The following SMG7 variants were observed in gnomAD, a reference collection of about 807,000 sequenced individuals.
The protein encoded by SMG7 is nonsense-mediated mRNA decay factor SMG7.
In SMG7, 34 loss-of-function variants were observed where a neutral mutation model predicts 148.2. That is an observed-to-expected ratio of 0.23 (90% CI 0.17 to 0.31). The LOEUF (loss-of-function observed/expected upper bound fraction) is 0.31. Among genes scored for constraint, SMG7 ranks in the 10% least tolerant of loss-of-function variants. SMG7 has a pLI of 1.00. For synonymous variants in SMG7, 492 were observed against 515.1 expected, an observed-to-expected ratio of 0.96 and a Z score of 0.61; for missense variants, 1,114 against 1,408.4, an observed-to-expected ratio of 0.79 and a Z score of 3.35.
Position 183,509,981 on chromosome 1 carries a change from C to A in SMG7, c.30-2856C>A, listed in dbSNP as rs184251628. On this transcript the variant is annotated intron_variant, in intron 1 of 22. Transcript: ENST00000688051. ...TTGTAAATTACATTACTATTATATACCCCATATAATCTTTGACTGGAAGTT... is the reference window on the plus strand; with the variant it reads ...TTGTAAATTACATTACTATTATATAACCCATATAATCTTTGACTGGAAGTT... Among the ~76,000 whole-genome samples, 161 of 152,216 alleles carry A rather than the reference C, an allele frequency of 1.1e-3. 5 individuals are homozygous for A. Among genetic ancestry groups the A allele is most frequent in the East Asian group, 1.9e-4 (1 of 5,182 alleles).
rs1250240742 is a variant in SMG7 at position 183,472,967 on chromosome 1, A to G, written c.29+318A>G. Reference sequence around the variant, plus strand: ...GAGGGGTGGAGAGAAACGTCCGGGGAGGCGGCGGCGACCCCGAGTGGAGGT... The same window carrying G: ...GAGGGGTGGAGAGAAACGTCCGGGGGGGCGGCGGCGACCCCGAGTGGAGGT... On this transcript the variant is annotated intron_variant, in intron 1 of 22. Coordinates refer to ENST00000688051, the MANE Select transcript of SMG7 (RefSeq NM_001375584.1). 1.5e-5 allele frequency: 5 copies of G among 336,466 alleles called. No homozygotes were observed. In the East Asian group the frequency reaches 2.2e-4, roughly 15 times the overall value. 20.8% of individuals were successfully genotyped at this position (336,466 alleles called of 1,614,324 possible).
Position 183,547,208 on chromosome 1 carries a change from G to T in SMG7, c.2848G>T (p.Ala950Ser), listed in dbSNP as rs765563940. The change falls in exon 18 of 23, where the codon GCT (alanine) becomes TCT (serine). Residue 950 changes from alanine to serine, a missense_variant. By Grantham distance (99) the Ala-to-Ser change is moderately conservative. Transcript: ENST00000688051. ...IFSNPPDLYP[A>S]LLGPLASLPG... ...TTCTAACCCTCCTGATCTTTACCCG[G>T]CTCTGCTGGGGCCTCTCGCCTCTCT... The T allele has an allele frequency of 1.4e-5, 21 of 1,550,290 alleles. No homozygotes were observed. The highest frequency in any genetic ancestry group is 1.7e-5 in the Non-Finnish European group (20 of 1,146,868).
At chr1:183,510,219 A>C (rs1382554780) in intron 1 of SMG7, among the ~76,000 whole-genome samples, 1 of 152,182 alleles carries the variant, frequency 6.6e-6, no homozygotes. Context: ...CATTCATTGA[A>C]TCTAGTAAAG....
Position 183,542,202 on chromosome 1 carries a change from G to T in SMG7, c.1542G>T (p.Ser514=). The part of the protein sequence containing the change: ...LILQETSVIE[S]LAADGSPGLK... ...TGCAAGAAACATCTGTGATAGAGTCGCTGGCTGCAGATGGGAGCCCAGGGC... is the reference window on the plus strand; with the variant it reads ...TGCAAGAAACATCTGTGATAGAGTCTCTGGCTGCAGATGGGAGCCCAGGGC... The change falls in exon 14 of 23, where the codon TCG becomes TCT. Residue 514 remains serine (S), a synonymous_variant. Coordinates refer to ENST00000688051, the MANE Select transcript of SMG7 (RefSeq NM_001375584.1). The T allele has an allele frequency of 6.2e-7, 1 of 1,614,112 alleles. No individual in the cohort carries two copies. Among genetic ancestry groups the T allele is most frequent in the Non-Finnish European group, 8.5e-7 (1 of 1,179,978 alleles).
chr1:183,531,679 G>A (rs1409609448), intron 8 of SMG7, among the ~76,000 whole-genome samples: 2 of 152,086 alleles, frequency 1.3e-5, no homozygotes, highest in East Asian at 1.9e-4. Context: ...CTGTGCATAC[G>A]CTAGAAAATT....
intron 15 of SMG7, 65 bp downstream of exon 15, chr1:183,544,562 G>A: frequency 2.4e-5 from 37 of 1,534,430 alleles, no homozygotes; most frequent in South Asian, 6.8e-5. Context: ...TTCAGTCACT[G>A]AGAAATGTGT....
chr1:183,526,550 A>G (rs1665908268), intron 4 of SMG7, 46 bp from the exon 5 acceptor site: 2 of 1,316,134 alleles, frequency 1.5e-6, no homozygotes, highest in African/African-American at 2.9e-5. Context: ...CTTTACTTTT[A>G]GAGCACTTGT....
Position 183,541,058 on chromosome 1 carries a change from A to G in SMG7, c.1370A>G (p.Gln457Arg), listed in dbSNP as rs576099379. ...KEGQQRRIRQ[Q>R]RLISIGKWIA... is the part of the protein sequence containing the mutation. ...GGCCAGCAACGACGAATACGACAGC[A>G]ACGCTTGATCTCTATAGGCAAATGG... Residue 457 changes from glutamine to arginine, a missense_variant, in exon 13 of 23, where the codon CAA (glutamine) becomes CGA (arginine). Gln to Arg is a conservative substitution (Grantham distance 43). Coordinates refer to ENST00000688051, the MANE Select transcript of SMG7 (RefSeq NM_001375584.1). The G allele has an allele frequency of 1.5e-5, 24 of 1,613,610 alleles. No homozygotes were observed. Among genetic ancestry groups the G allele is most frequent in the East Asian group, 4.5e-5 (2 of 44,890 alleles).
intron 4 of SMG7, among the ~76,000 whole-genome samples, chr1:183,523,452 G>A (rs1268581378): frequency 1.3e-5 from 2 of 152,120 alleles, no homozygotes; most frequent in East Asian, 3.9e-4. Flanking sequence ...AGAACTAGAG[G>A]CATTAATATT....
chr1:183,497,873 ATTATT>A (rs1259705547), intron 1 of SMG7, among the ~76,000 whole-genome samples: 2 of 152,160 alleles, frequency 1.3e-5, no homozygotes, highest in Non-Finnish European at 2.9e-5. Context: ...CCTGGCCAAA[ATTATT>A]TTATTATTAT....
intron 1 of SMG7, among the ~76,000 whole-genome samples, chr1:183,493,637 A>C (rs887871583): frequency 6.6e-6 from 1 of 152,186 alleles, no homozygotes; most frequent in Non-Finnish European, 1.5e-5. Flanking sequence ...GCTGGAGTGC[A>C]GTGGCGCAAT....
At position 183,553,068 on chromosome 1, in the gene SMG7, G is replaced by A. The variant is rs1477797840; in HGVS notation, c.*1137G>A. ...ATCTGCGTAGCCCACAGAGGGCCCAGGCCCCTGCCCAGCTGCAGTCTCCCA... is the reference window on the plus strand; with the variant it reads ...ATCTGCGTAGCCCACAGAGGGCCCAAGCCCCTGCCCAGCTGCAGTCTCCCA... On this transcript the variant is annotated 3_prime_UTR_variant, in exon 23 of 23. Transcript: ENST00000688051. 5 of 1,536,220 alleles carry A rather than the reference G, an allele frequency of 3.3e-6. No individual in the cohort carries two copies. The Admixed American group carries it at 9.8e-5, about 30-fold the overall frequency.
chr1:183,532,684 T>C (rs1335764604), intron 8 of SMG7, among the ~76,000 whole-genome samples: 1 of 152,202 alleles, frequency 6.6e-6, no homozygotes, highest in Non-Finnish European at 1.5e-5. Flanking sequence ...GTATCAAGCC[T>C]CTGAAAGAGT....
intron 11 of SMG7, among the ~76,000 whole-genome samples, chr1:183,537,694 G>C (rs1210709755): frequency 6.6e-6 from 1 of 152,174 alleles, no homozygotes; most frequent in African/African-American, 2.4e-5. Context: ...TTTTGTGCCT[G>C]ATTTTGAAAT....
At chr1:183,520,812 A>G (rs1421522173) in intron 4 of SMG7, among the ~76,000 whole-genome samples, 1 of 152,194 alleles carries the variant, frequency 6.6e-6, no homozygotes, top group African/African-American at 2.4e-5. Context: ...TTATTGAGGG[A>G]GTATGGTATT....
Position 183,494,885 on chromosome 1 carries a change from A to T in SMG7, c.30-17952A>T, listed in dbSNP as rs547248006. 3.4e-3 allele frequency among the ~76,000 whole-genome samples: 494 copies of T among 145,164 alleles called. 3 individuals carry two copies. The highest frequency in any genetic ancestry group is 6.0e-3 in the Non-Finnish European group (400 of 67,026). ...CGCTCTGTTGCCCAGGCTGGAGTGC[A>T]GTGGTGCAATCTCGGCTCACCACAA... On this transcript the variant is annotated intron_variant, in intron 1 of 22. Coordinates refer to ENST00000688051, the MANE Select transcript of SMG7 (RefSeq NM_001375584.1).
intron 4 of SMG7, among the ~76,000 whole-genome samples, chr1:183,521,416 A>G (rs1664739105): frequency 1.3e-5 from 2 of 152,060 alleles, no homozygotes; most frequent in Non-Finnish European, 2.9e-5. Context: ...GCATTTTTAT[A>G]TTGTCTTTAA....
intron 1 of SMG7, among the ~76,000 whole-genome samples, chr1:183,479,193 C>T (rs868135723): frequency 6.6e-6 from 1 of 152,104 alleles, no homozygotes; most frequent in African/African-American, 2.4e-5. Context: ...TTTTAGGAAT[C>T]TCAAGTAGAC....
In SMG7 at chr1:183,544,493, G is replaced by A. The variant is rs1255423820; in HGVS notation, c.1983G>A (p.Arg661=). The A allele has an allele frequency of 1.9e-6, 3 of 1,612,896 alleles. No homozygotes were observed. Among genetic ancestry groups the A allele is most frequent in the African/African-American group, 2.7e-5 (2 of 74,826 alleles). The change falls in exon 15 of 23, where the codon AGG becomes AGA. Residue 661 remains arginine, a synonymous_variant. Transcript: ENST00000688051. The part of the protein sequence containing the change: ...HPGAFPPLPS[R]PGFPPPTYVI... ...GAGCCTTCCCTCCTCTTCCCAGCAG[G>A]CCAGGTAAATATGTTTTGTAATTTC...
Sources: gnomAD v4.1 joint callset for allele counts (sites outside exome capture counted in the v4.1 genomes callset) on GRCh38, gnomAD v4.1.1 for gene constraint, MANE v1.5 for transcripts, NCBI Gene and HGNC (gene_info 2026-07-23, HGNC 2026-07-21) for gene names.